The following RSRP1 variants were observed in gnomAD, a reference collection of about 807,000 sequenced individuals.
RSRP1 encodes the protein arginine and serine rich protein 1.
In RSRP1, 37 loss-of-function variants were observed where a neutral mutation model predicts 33.0. The observed-to-expected ratio is 1.12, with a 90% CI of 0.86 to 1.48. The LOEUF (loss-of-function observed/expected upper bound fraction) is 1.48. RSRP1 is among the 40% of genes most tolerant of loss of function. The probability of loss-of-function intolerance (pLI) is 0.00; values close to 1 mark genes in which losing one functional copy is unlikely to be tolerated. For missense variants in RSRP1, 402 were observed against 385.3 expected (o/e 1.04, Z -0.36); for synonymous variants, 167 against 158.7 (o/e 1.05, Z -0.40).
intron 1 of RSRP1, among the ~76,000 whole-genome samples, chr1:25,281,675 A>G (rs1641499924): frequency 7.6e-6 from 1 of 130,940 alleles, no homozygotes; most frequent in African/African-American, 2.6e-5. Context: ...CTAAGGATGC[A>G]AGCAGGAGAT....
chr1:25,261,129 TATTAG>T (rs1227429758), intron 1 of RSRP1, among the ~76,000 whole-genome samples: 1 of 152,156 alleles, frequency 6.6e-6, no homozygotes, highest in African/African-American at 2.4e-5. Flanking sequence ...ACACCAGTCC[TATTAG>T]ATTAGGGCTC....
rs561120582 is a variant in RSRP1, at chr1:25,281,075, G to C, written c.-66-34046C>G. On this transcript the variant is annotated intron_variant, in intron 1 of 1. Transcript: ENST00000561867. ...ATGTGTTACAGACAGGGAAACTGAGGCCTAAAGAGGGTAATGGACTTGCCT... is the reference window on the plus strand; with the variant it reads ...ATGTGTTACAGACAGGGAAACTGAGCCCTAAAGAGGGTAATGGACTTGCCT... Among the ~76,000 whole-genome samples the C allele has an allele frequency of 2.4e-3, 316 of 132,510 alleles. 40 individuals carry two copies. Among genetic ancestry groups the C allele is most frequent in the African/African-American group, 7.4e-3 (284 of 38,568 alleles). 86.9% of individuals were successfully genotyped at this position (132,510 alleles called of 152,430 possible).
intron 1 of RSRP1, chr1:25,301,478 G>A: frequency 7.4e-7 from 1 of 1,353,492 alleles, no homozygotes; most frequent in Non-Finnish European, 1.0e-6. Flanking sequence ...GACCTTTGGA[G>A]CAGGAGTGTG....
intron 2 of RSRP1, 129 bp downstream of exon 2, chr1:25,246,315 T>C (rs1639385895): frequency 2.1e-6 from 3 of 1,422,616 alleles, no homozygotes; most frequent in African/African-American, 2.9e-5. Flanking sequence ...GTCCTCCCTC[T>C]TTCCTCCAAA....
intron 3 of RSRP1, 198 bp from the exon 4 acceptor site, chr1:25,243,831 C>A (rs1571505991): frequency 7.7e-7 from 1 of 1,290,544 alleles, no homozygotes; most frequent in Non-Finnish European, 9.8e-7. Context: ...GACACTCTTC[C>A]CATAATTATT....
intron 1 of RSRP1, among the ~76,000 whole-genome samples, chr1:25,312,392 T>C (rs1276149143): frequency 9.3e-6 from 1 of 107,822 alleles, no homozygotes; most frequent in Non-Finnish European, 2.2e-5. Flanking sequence ...CTCACCCACA[T>C]CTGATTTAGA....
At chr1:25,276,238 G>A (rs1640947341) in intron 1 of RSRP1, among the ~76,000 whole-genome samples, 1 of 130,168 alleles carries the variant, frequency 7.7e-6, no homozygotes, top group Middle Eastern at 4.1e-3. Context: ...GAGGCACATT[G>A]AAATGGCATG....
rs1278085567 is a variant in RSRP1, at chr1:25,307,122, C to T, written c.-67+30856G>A. 4.5e-5 allele frequency among the ~76,000 whole-genome samples: 6 copies of T among 132,516 alleles called. 2 individuals carry two copies. Among genetic ancestry groups the T allele is most frequent in the African/African-American group, 7.8e-5 (3 of 38,478 alleles). The allele number at this position is 132,516 out of a possible 152,430, so 86.9% of individuals were successfully genotyped here. On this transcript the variant is annotated intron_variant, in intron 1 of 1. Transcript: ENST00000561867. ...TGGCTTAACCTTTCTCAGCCTCAGT[C>T]GCCCCATTGTAAATGGAGATAATGA...
chr1:25,336,127 C>A (rs1645070868), intron 1 of RSRP1: 1 of 48,702 alleles, frequency 2.1e-5, no homozygotes, highest in Non-Finnish European at 4.2e-5. Flanking sequence ...TTTAAAAAAC[C>A]CAATACCTAT....
rs1274625013 is a variant in RSRP1 at position 25,329,618 on chromosome 1, A to C, written c.-67+8360T>G. 2.2e-5 allele frequency: 3 copies of C among 137,576 alleles called. 1 individual carries two copies. Among genetic ancestry groups the C allele is most frequent in the African/African-American group, 7.9e-5 (3 of 37,928 alleles). 8.5% of individuals were successfully genotyped at this position (137,576 alleles called of 1,614,324 possible). The stretch of plus-strand genomic sequence containing the variant: ...ATGACTGCAATCATGTGCTTCATAG[A>C]AACTTAATTAGATTATACCACTAGA... On this transcript the variant is annotated intron_variant, in intron 1 of 1. Coordinates refer to the RSRP1 transcript ENST00000561867.
rs1643497569 is a variant in RSRP1 at position 25,302,907 on chromosome 1, G to A, written c.-67+35071C>T. On this transcript the variant is annotated intron_variant, in intron 1 of 1. Coordinates refer to the RSRP1 transcript ENST00000561867. ...ACCTGTAATCCCAATATTTTGGGAG[G>A]CTGAGGCAAGAGGATTGGTTGAGGC... Among the ~76,000 whole-genome samples the A allele has an allele frequency of 2.3e-5, 3 of 130,766 alleles. 1 individual carries two copies. The highest frequency in any genetic ancestry group is 5.4e-5 in the Non-Finnish European group (3 of 55,456). 85.8% of individuals were successfully genotyped at this position (130,766 alleles called of 152,430 possible).
chr1:25,284,220 T>C (rs1442209588), intron 1 of RSRP1, among the ~76,000 whole-genome samples: 1 of 136,254 alleles, frequency 7.3e-6, no homozygotes, highest in Non-Finnish European at 1.7e-5. Context: ...TGACCTTTAC[T>C]GAGTGTCCAT....
intron 1 of RSRP1, among the ~76,000 whole-genome samples, chr1:25,316,618 G>GAAA (rs1171433774): frequency 4.9e-5 from 2 of 40,632 alleles, no homozygotes; most frequent in Admixed American, 2.9e-4. Flanking sequence ...AACAAAAACA[G>GAAA]AAAAAAAAAA....
In RSRP1 at chr1:25,279,895, C is replaced by G. The variant is rs1356506595; in HGVS notation, c.-66-32866G>C. On this transcript the variant is annotated intron_variant, in intron 1 of 1. Transcript: ENST00000561867. The stretch of plus-strand genomic sequence containing the variant: ...AACACCTTAGAGCCCATCAGCTTAT[C>G]AAACCAGCAGCTGATGTGAGTGCAG... Among the ~76,000 whole-genome samples, 2 of 129,338 alleles carry G rather than the reference C, an allele frequency of 1.5e-5. 1 individual carries two copies. The highest frequency in any genetic ancestry group is 3.6e-5 in the Non-Finnish European group (2 of 55,260). The allele number at this position is 129,338 out of a possible 152,430, so 84.9% of individuals were successfully genotyped here.
At chr1:25,261,400 T>C (rs1361088729) in intron 1 of RSRP1, among the ~76,000 whole-genome samples, 2 of 151,244 alleles carry the variant, frequency 1.3e-5, no homozygotes, top group Admixed American at 1.4e-4. Context: ...AAAATGTGAT[T>C]TCTTTCTTTT....
intron 1 of RSRP1, among the ~76,000 whole-genome samples, chr1:25,289,447 G>T (rs1642311769): frequency 7.6e-6 from 1 of 131,706 alleles, no homozygotes; most frequent in Non-Finnish European, 1.8e-5. Context: ...CACCTGCCTT[G>T]GCCTCCCAAA....
At chr1:25,249,624 G>C (rs1350695660), upstream of RSRP1, among the ~76,000 whole-genome samples, 3 of 152,202 alleles carry the variant, frequency 2.0e-5, no homozygotes, top group Non-Finnish European at 2.9e-5. Flanking sequence ...TTACAGGCGT[G>C]AGCCACTGTG....
intron 1 of RSRP1, among the ~76,000 whole-genome samples, chr1:25,295,893 G>A (rs1296745535): frequency 2.1e-5 from 2 of 95,700 alleles, no homozygotes; most frequent in African/African-American, 3.7e-5. Flanking sequence ...ATGGAGTTTC[G>A]CTGTTGTCAT....
Position 25,299,000 on chromosome 1 carries a change from G to A in RSRP1, c.-67+38978C>T, listed in dbSNP as rs1479413778. Among the ~76,000 whole-genome samples, 6 of 122,282 alleles carry A rather than the reference G, an allele frequency of 4.9e-5. 1 individual carries two copies. Among genetic ancestry groups the A allele is most frequent in the Non-Finnish European group, 1.1e-4 (6 of 52,432 alleles). The allele number at this position is 122,282 out of a possible 152,430, so 80.2% of individuals were successfully genotyped here. On this transcript the variant is annotated intron_variant, in intron 1 of 1. Transcript: ENST00000561867. The stretch of plus-strand genomic sequence containing the variant: ...AGCCATATGGGTACCTGAGAACAGC[G>A]GCAGAACAATGGCAGGGTGCTGGGA...
Sources: gnomAD v4.1 joint callset for allele counts (sites outside exome capture counted in the v4.1 genomes callset) on GRCh38, gnomAD v4.1.1 for gene constraint, MANE v1.5 for transcripts, NCBI Gene and HGNC (gene_info 2026-07-23, HGNC 2026-07-21) for gene names.